DPP4: variants seen among roughly 807,000 people sequenced by gnomAD.
The protein encoded by DPP4 is dipeptidyl peptidase 4.
Under a neutral mutation model 122.4 loss-of-function variants are expected in DPP4, and 93 were observed. The ratio of observed to expected loss-of-function variants is 0.76; its 90% confidence interval spans 0.64 to 0.90. The LOEUF (loss-of-function observed/expected upper bound fraction) is 0.90, where lower values mean the gene tolerates loss of function less well. DPP4 is among the 40% of genes least tolerant of loss of function. The pLI, the probability that DPP4 is intolerant of heterozygous loss-of-function variation, is 0.00. For missense variants in DPP4, 914 were observed against 907.3 expected, an observed-to-expected ratio of 1.01 and a Z score of -0.09; for synonymous variants, 321 against 302.9, an observed-to-expected ratio of 1.06 and a Z score of -0.62.
chr2:162,053,039 T>C (rs200835376), intron 2 of DPP4, among the ~76,000 whole-genome samples: 1 of 152,256 alleles, frequency 6.6e-6, no homozygotes, highest in East Asian at 1.9e-4. Context: ...TGACATCCTA[T>C]AGGAAAATGT....
intron 23 of DPP4, among the ~76,000 whole-genome samples, chr2:162,003,894 T>A (rs1239733757): frequency 6.6e-6 from 1 of 152,166 alleles, no homozygotes; most frequent in Non-Finnish European, 1.5e-5. Flanking sequence ...CAGTACAAGA[T>A]ACCTATTAGT....
intron 23 of DPP4, among the ~76,000 whole-genome samples, chr2:161,999,507 C>T (rs780540291): frequency 6.6e-6 from 1 of 152,104 alleles, no homozygotes; most frequent in Non-Finnish European, 1.5e-5. Context: ...TAGAAACTTC[C>T]GGAGAGCCCC....
rs192806238 is a variant in DPP4 at position 162,009,932 on chromosome 2, T to G, written c.1833-637A>C. Reference sequence around the variant, plus strand: ...CCAGGTAAAGAAATAAGAAAAATATTGTATGCACCTATTTCTTAATATTAG... The same window carrying G: ...CCAGGTAAAGAAATAAGAAAAATATGGTATGCACCTATTTCTTAATATTAG... On this transcript the variant is annotated intron_variant, in intron 20 of 25. Coordinates refer to ENST00000360534, the MANE Select transcript of DPP4 (RefSeq NM_001935.4). 2.0e-3 allele frequency among the ~76,000 whole-genome samples: 311 copies of G among 152,082 alleles called. 1 individual carries two copies. The highest frequency in any genetic ancestry group is 7.3e-3 in the African/African-American group (303 of 41,474).
intron 9 of DPP4, among the ~76,000 whole-genome samples, chr2:162,033,938 TAATG>T (rs1270312797): frequency 1.8e-4 from 26 of 147,260 alleles, no homozygotes; most frequent in African/African-American, 6.4e-4. Flanking sequence ...TCTGTTTAAA[TAATG>T]AATGTTTATA....
At chr2:162,020,840 T>G (rs1179770363) in intron 12 of DPP4, 152 bp from the exon 13 acceptor site, 2 of 537,994 alleles carry the variant, frequency 3.7e-6, no homozygotes, top group Non-Finnish European at 6.5e-6. Flanking sequence ...AAAAGAAAAT[T>G]ATCTTTCTAT....
At chr2:162,063,228 T>C (rs1381014628) in intron 2 of DPP4, among the ~76,000 whole-genome samples, 16 of 152,148 alleles carry the variant, frequency 1.1e-4, no homozygotes, top group Non-Finnish European at 1.8e-4. Flanking sequence ...TGAAATAAGA[T>C]GTACTAAGGG....
At position 162,073,966 on chromosome 2, in the gene DPP4, C is replaced by T. The variant is rs1393213415; in HGVS notation, c.6+10G>A. ...GCTCGCCCCGGGGACGTACGTGGCG[C>T]GGCACTCACCTTCATCGTCGGCGTC... On this transcript the variant is annotated intron_variant, in intron 1 of 25. Transcript: ENST00000360534. 2 of 1,611,714 alleles carry T rather than the reference C, an allele frequency of 1.2e-6. No individual in the cohort carries two copies. The highest frequency in any genetic ancestry group is 1.7e-6 in the Non-Finnish European group (2 of 1,178,954).
chr2:162,039,762 T>TGACTTTCATTTCTAGC (rs1683922208), intron 5 of DPP4, among the ~76,000 whole-genome samples: 1 of 152,076 alleles, frequency 6.6e-6, no homozygotes, highest in Non-Finnish European at 1.5e-5. Flanking sequence ...AAATAAAATT[T>TGACTTTCATTTCTAGC]TTTTTTAAAA....
chr2:162,074,077 G>T lies in DPP4; in HGVS notation c.-96C>A, dbSNP rs1037883383. The T allele has an allele frequency of 1.3e-6, 2 of 1,515,988 alleles. No individual in the cohort carries two copies. Among genetic ancestry groups the T allele is most frequent in the African/African-American group, 2.8e-5 (2 of 71,868 alleles). The allele number at this position is 1,515,988 out of a possible 1,614,324, so 93.9% of individuals were successfully genotyped here. A position where few individuals can be genotyped will look rare whatever the true frequency, so the allele number is the denominator to read the frequency against. The stretch of plus-strand genomic sequence containing the variant: ...CGCGCGTCCTGCACCGCTGCTCCGG[G>T]CGGTGGAGTCACTCGCCGCTGGCAA... On this transcript the variant is annotated 5_prime_UTR_variant, in exon 1 of 26. Transcript: ENST00000360534.
intron 10 of DPP4, among the ~76,000 whole-genome samples, chr2:162,028,065 A>G (rs568468522): frequency 1.3e-5 from 2 of 151,872 alleles, no homozygotes; most frequent in Non-Finnish European, 2.9e-5. Flanking sequence ...TTTAAAAAAA[A>G]AAAAAACAAA....
chr2:162,038,834 G>A (rs1683881608), intron 7 of DPP4, 115 bp downstream of exon 7: 1 of 915,530 alleles, frequency 1.1e-6, no homozygotes, highest in Non-Finnish European at 1.8e-6. Context: ...ATAACACTAT[G>A]TTCTATAGTG....
At chr2:161,994,132 A>G (rs1177959666) in intron 25 of DPP4, among the ~76,000 whole-genome samples, 2 of 152,228 alleles carry the variant, frequency 1.3e-5, no homozygotes, top group African/African-American at 4.8e-5. Flanking sequence ...CTTTAAAAAA[A>G]GCTTAATTAA....
In DPP4 at chr2:162,009,250, A is replaced by C. The variant is rs753587032; in HGVS notation, c.1878T>G (p.Ile626Met). 1.5e-5 allele frequency: 24 copies of C among 1,613,628 alleles called. No individual in the cohort carries two copies. The African/African-American group carries it at 2.9e-4, about 20-fold the overall frequency. Reference sequence around the variant, plus strand: ...TCAGTCAACTACTCACCCAGCCCCAAATTGCAATTCGTTTGTTGTCCACAA... The same window carrying C: ...TCAGTCAACTACTCACCCAGCCCCACATTGCAATTCGTTTGTTGTCCACAA... ...MGFVDNKRIA[I>M]WGWSYGGYVT... is the part of the protein sequence containing the mutation. Residue 626 changes from isoleucine (I) to methionine (M), a missense_variant, in exon 21 of 26, where the codon ATT (isoleucine) becomes ATG (methionine). Transcript: ENST00000360534.
chr2:162,009,629 T>C (rs921091058), intron 20 of DPP4, among the ~76,000 whole-genome samples: 5 of 152,020 alleles, frequency 3.3e-5, no homozygotes, highest in African/African-American at 4.8e-5. Context: ...TGCACTTTTC[T>C]TTACATAATT....
At chr2:162,021,738 T>C (rs1033865288) in intron 12 of DPP4, 3 of 152,200 alleles carry the variant, frequency 2.0e-5, no homozygotes, top group Non-Finnish European at 2.9e-5. Context: ...TTGTGCCTAG[T>C]AGAAATGTGT....
At chr2:162,033,136 C>T (rs781621717) in intron 10 of DPP4, among the ~76,000 whole-genome samples, 51 of 152,206 alleles carry the variant, frequency 3.4e-4, no homozygotes, top group African/African-American at 8.0e-4. Context: ...CTGCTCTTCA[C>T]ATCACTGCCA....
intron 9 of DPP4, among the ~76,000 whole-genome samples, chr2:162,034,076 C>T (rs1169779275): frequency 6.6e-6 from 1 of 151,806 alleles, no homozygotes; most frequent in African/African-American, 2.4e-5. Flanking sequence ...TGAAGAACAC[C>T]TTGGGTTCTG....
intron 5 of DPP4, among the ~76,000 whole-genome samples, chr2:162,039,660 A>C (rs754801898): frequency 3.9e-5 from 6 of 152,138 alleles, no homozygotes; most frequent in Non-Finnish European, 5.9e-5. Context: ...AGATATATTA[A>C]AATTAAAATA....
chr2:162,059,314 T>C (rs1251610995), intron 2 of DPP4, among the ~76,000 whole-genome samples: 3 of 152,198 alleles, frequency 2.0e-5, no homozygotes, highest in Admixed American at 6.5e-5. Flanking sequence ...TAAACAAGAC[T>C]GATACAATAA....
Sources: gnomAD v4.1 joint callset for allele counts (sites outside exome capture counted in the v4.1 genomes callset) on GRCh38, gnomAD v4.1.1 for gene constraint, MANE v1.5 for transcripts, NCBI Gene and HGNC (gene_info 2026-07-23, HGNC 2026-07-21) for gene names.